Variants in ZNF385D observed in about 807,000 individuals in gnomAD.
ZNF385D encodes zinc finger protein 385D, also known as zinc finger protein 659.
Under a neutral mutation model 35.8 loss-of-function variants are expected in ZNF385D, and 15 were observed. The ratio of observed to expected loss-of-function variants is 0.42; its 90% CI spans 0.28 to 0.64. The LOEUF is 0.64. Ranked by LOEUF, ZNF385D falls within the 30% of genes least tolerant of loss-of-function variation. The pLI, the probability that ZNF385D is intolerant of heterozygous loss-of-function variation, is 0.23. For synonymous variants in ZNF385D, 212 were observed against 186.8 expected (o/e 1.13, Z -1.10); for missense variants, 474 against 494.6 (o/e 0.96, Z 0.39).
At chr3:22,286,900 A>C (rs889658383) in intron 2 of ZNF385D, among the ~76,000 whole-genome samples, 3 of 152,104 alleles carry the variant, frequency 2.0e-5, no homozygotes, top group Admixed American at 2.0e-4. Context: ...CATCTGCTGT[A>C]AAGTGTAGTC....
At chr3:22,111,878 A>C (rs1702555092) in intron 3 of ZNF385D, among the ~76,000 whole-genome samples, 2 of 152,172 alleles carry the variant, frequency 1.3e-5, no homozygotes, top group South Asian at 4.1e-4. Context: ...GACAGAGAAC[A>C]AACTACTGAG....
At chr3:21,535,026 T>C (rs2062003690) in intron 3 of ZNF385D, among the ~76,000 whole-genome samples, 1 of 152,092 alleles carries the variant, frequency 6.6e-6, no homozygotes, top group African/African-American at 2.4e-5. Flanking sequence ...ATAGGCTAAA[T>C]CATCTAAAGA....
intron 1 of ZNF385D, among the ~76,000 whole-genome samples, chr3:21,673,945 T>G (rs2066649240): frequency 1.3e-5 from 2 of 152,118 alleles, no homozygotes; most frequent in Admixed American, 1.3e-4. Flanking sequence ...ACTACATCTG[T>G]CTCTCAGGGA....
intron 3 of ZNF385D, among the ~76,000 whole-genome samples, chr3:21,909,657 C>T (rs779453289): frequency 2.6e-5 from 4 of 151,968 alleles, no homozygotes; most frequent in African/African-American, 4.8e-5. Context: ...GATACTGTAG[C>T]AGGAATAGCA....
intron 3 of ZNF385D, among the ~76,000 whole-genome samples, chr3:22,045,920 T>A (rs1244023586): frequency 2.0e-5 from 3 of 152,008 alleles, no homozygotes; most frequent in African/African-American, 7.3e-5. Flanking sequence ...AATTTCTCTA[T>A]CTCCAAGCCC....
At chr3:22,261,763 G>C (rs1409422386) in intron 2 of ZNF385D, among the ~76,000 whole-genome samples, 1 of 151,916 alleles carries the variant, frequency 6.6e-6, no homozygotes, top group African/African-American at 2.4e-5. Context: ...AGGCCACAGA[G>C]CCCATCTGTT....
upstream of ZNF385D, among the ~76,000 whole-genome samples, chr3:21,752,816 G>A (rs1368197966): frequency 6.6e-6 from 1 of 152,064 alleles, no homozygotes; most frequent in African/African-American, 2.4e-5. Context: ...TGAAGAAAAT[G>A]CGTAAATGTT....
At chr3:21,636,393 T>TGATC (rs1559478868) in intron 2 of ZNF385D, among the ~76,000 whole-genome samples, 2 of 37,816 alleles carry the variant, frequency 5.3e-5, no homozygotes, top group South Asian at 9.0e-4. Flanking sequence ...TATATATATA[T>TGATC]ATATATATAT....
chr3:22,198,280 G>A (rs984141714), intron 2 of ZNF385D, among the ~76,000 whole-genome samples: 2 of 151,888 alleles, frequency 1.3e-5, no homozygotes, highest in East Asian at 1.9e-4. Context: ...AGAAATAAGA[G>A]GACAATAATA....
chr3:22,067,662 A>C (rs1038147819), intron 3 of ZNF385D, among the ~76,000 whole-genome samples: 1 of 152,208 alleles, frequency 6.6e-6, no homozygotes, highest in South Asian at 2.1e-4. Context: ...ATGGGAAAGG[A>C]TATCTTTCTC....
chr3:21,744,966 G>T (rs150019470), intron 1 of ZNF385D, among the ~76,000 whole-genome samples: 49 of 152,220 alleles, frequency 3.2e-4, no homozygotes, highest in African/African-American at 1.1e-3. Flanking sequence ...TAGGGAATGC[G>T]TGGAGGAAGT....
chr3:21,506,418 C>G (rs1176337977), intron 4 of ZNF385D, among the ~76,000 whole-genome samples: 1 of 152,084 alleles, frequency 6.6e-6, no homozygotes, highest in African/African-American at 2.4e-5. Context: ...ATAACCTAGC[C>G]TAACCTAACT....
chr3:21,967,804 T>A (rs1342665776), intron 3 of ZNF385D, among the ~76,000 whole-genome samples: 1 of 152,140 alleles, frequency 6.6e-6, no homozygotes, highest in Non-Finnish European at 1.5e-5. Context: ...TGGGAGGAAG[T>A]TGGAGTAAGA....
upstream of ZNF385D, among the ~76,000 whole-genome samples, chr3:21,753,432 T>A (rs752436614): frequency 5.9e-5 from 9 of 152,110 alleles, no homozygotes; most frequent in Admixed American, 4.6e-4. Context: ...AGGGAGCATC[T>A]GGTAATAGAA....
At chr3:21,562,561 AAAG>A (rs1388537403) in intron 3 of ZNF385D, among the ~76,000 whole-genome samples, 1 of 152,166 alleles carries the variant, frequency 6.6e-6, no homozygotes, top group Non-Finnish European at 1.5e-5. Flanking sequence ...TGTGCTTAAT[AAAG>A]AGAATATTGA....
chr3:22,295,631 G>C (rs1702531320), intron 2 of ZNF385D, among the ~76,000 whole-genome samples: 1 of 152,062 alleles, frequency 6.6e-6, no homozygotes, highest in Non-Finnish European at 1.5e-5. Flanking sequence ...AGGTAAATGA[G>C]GTGGATCTGA....
chr3:22,122,894 T>C (rs1703171200), intron 3 of ZNF385D, among the ~76,000 whole-genome samples: 1 of 152,198 alleles, frequency 6.6e-6, no homozygotes, highest in Non-Finnish European at 1.5e-5. Flanking sequence ...TAAAGCAGTA[T>C]GGGTGAACGC....
chr3:21,816,960 A>G (rs2073176097), intron 3 of ZNF385D, among the ~76,000 whole-genome samples: 2 of 152,202 alleles, frequency 1.3e-5, no homozygotes. Flanking sequence ...TAACCAAAAC[A>G]GCATGGTACT....
chr3:21,695,743 C>T (rs188517054), intron 1 of ZNF385D, among the ~76,000 whole-genome samples: 250 of 141,664 alleles, frequency 1.8e-3, no homozygotes, highest in African/African-American at 6.2e-3. Flanking sequence ...ACTGCAGGTG[C>T]TGTTAAATAT....
Sources: gnomAD v4.1 joint callset for allele counts (sites outside exome capture counted in the v4.1 genomes callset) on GRCh38, gnomAD v4.1.1 for gene constraint, MANE v1.5 for transcripts, NCBI Gene and HGNC (gene_info 2026-07-23, HGNC 2026-07-21) for gene names.